Variants in MPHOSPH10 observed in about 807,000 individuals in gnomAD.
MPHOSPH10 encodes U3 small nucleolar ribonucleoprotein MPP10.
In MPHOSPH10, 33 loss-of-function variants were observed where a neutral mutation model predicts 77.3. The ratio of observed to expected loss-of-function variants is 0.43; its 90% CI spans 0.32 to 0.57. The LOEUF is 0.57. Ranked by LOEUF, MPHOSPH10 falls within the 20% of genes least tolerant of loss-of-function variation. The pLI is 0.07. For missense variants in MPHOSPH10, 708 were observed against 780.1 expected, an observed-to-expected ratio of 0.91 and a Z score of 1.10; for synonymous variants, 245 against 268.0, an observed-to-expected ratio of 0.91 and a Z score of 0.84.
chr2:71,133,719 C>A, intron 2 of MPHOSPH10, 143 bp downstream of exon 2: 3 of 1,024,584 alleles, frequency 2.9e-6, no homozygotes, highest in East Asian at 2.7e-5. Context: ...TGAATCTGTA[C>A]TTCCATTCAA....
chr2:71,141,493 T>C, intron 7 of MPHOSPH10, 124 bp downstream of exon 7: 1 of 747,408 alleles, frequency 1.3e-6, no homozygotes, highest in Non-Finnish European at 2.0e-6. Flanking sequence ...CATGTAAGTA[T>C]GAGACAGAGC....
chr2:71,141,138 AT>A, intron 6 of MPHOSPH10, 93 bp from the exon 7 acceptor site: 1 of 587,556 alleles, frequency 1.7e-6, no homozygotes, highest in Non-Finnish European at 2.3e-6. Flanking sequence ...TATTGATAAT[AT>A]TTATTATAAT....
At chr2:71,145,509 G>GTTT (rs34190822) in intron 8 of MPHOSPH10, among the ~76,000 whole-genome samples, 104 of 147,916 alleles carry the variant, frequency 7.0e-4, no homozygotes, top group Middle Eastern at 3.5e-3. Context: ...TGTTTGTTTG[G>GTTT]TTTTTTTTTT....
At chr2:71,149,084 G>T in intron 9 of MPHOSPH10, 139 bp from the exon 10 acceptor site, 1 of 704,724 alleles carries the variant, frequency 1.4e-6, no homozygotes, top group South Asian at 2.0e-5. Flanking sequence ...TGGAATGCAG[G>T]TGGGGATTGC....
chr2:71,130,805 G>T (rs1287754844), intron 1 of MPHOSPH10, 51 bp downstream of exon 1: 2 of 1,533,612 alleles, frequency 1.3e-6, no homozygotes, highest in Non-Finnish European at 1.8e-6. Flanking sequence ...TCACGTGGAC[G>T]CGGGTTGCAG....
At chr2:71,148,829 T>C (rs1321031978) in intron 9 of MPHOSPH10, 2 of 209,646 alleles carry the variant, frequency 9.5e-6, no homozygotes, top group Non-Finnish European at 1.9e-5. Flanking sequence ...GTCTCTGCCC[T>C]CTGGCCTCAG....
Position 71,149,225 on chromosome 2 carries a change from G to T in MPHOSPH10, c.1668G>T (p.Glu556Asp). 1 of 1,544,276 alleles carries T rather than the reference G, an allele frequency of 6.5e-7. No individual in the cohort carries two copies. Among genetic ancestry groups the T allele is most frequent in the Non-Finnish European group, 8.7e-7 (1 of 1,148,526 alleles). ...AALLAPEEIK[E>D]KNKAGDIKTA... ...GTTGGTGGTTATTTTTTTAATAGGA[G>T]AAAAATAAAGCTGGAGATATAAAAA... The change falls in exon 10 of 11, where the codon GAG becomes GAT. Residue 556 changes from glutamate (E) to aspartate (D), a missense_variant and splice_region_variant. Glu to Asp is a conservative substitution (Grantham distance 45, BLOSUM62 2). Around this residue, in one of 3 missense-constraint regions of MPHOSPH10, gnomAD observed 263 missense variants for 320.0 expected, o/e 0.82. Transcript: ENST00000244230.
At chr2:71,149,055 C>T in intron 9 of MPHOSPH10, 168 bp from the exon 10 acceptor site, 2 of 638,316 alleles carry the variant, frequency 3.1e-6, no homozygotes, top group South Asian at 4.1e-5. Context: ...TTTTAAAGAG[C>T]TGAGTTACCA....
chr2:71,134,564 T>G (rs1673449710), intron 3 of MPHOSPH10, 62 bp from the exon 4 acceptor site: 3 of 1,473,680 alleles, frequency 2.0e-6, no homozygotes, highest in Non-Finnish European at 2.8e-6. Context: ...GAAAATTTGT[T>G]TCCTTTTGTT....
intron 5 of MPHOSPH10, among the ~76,000 whole-genome samples, 186 bp from the exon 6 acceptor site, chr2:71,139,609 G>A (rs940274602): frequency 6.6e-6 from 1 of 152,312 alleles, no homozygotes; most frequent in Non-Finnish European, 1.5e-5. Flanking sequence ...AGCATCACAA[G>A]GCTTGTTAAA....
In MPHOSPH10 at chr2:71,134,055, AGAT is replaced by A. The variant is rs1572896889; in HGVS notation, c.882_884del (p.Asp294del). On this transcript the variant is annotated inframe_deletion, in exon 3 of 11. Coordinates refer to ENST00000244230, the MANE Select transcript of MPHOSPH10 (RefSeq NM_005791.3). ...ATGATGAGCTGGATTCAAACAAAGA[AGAT>A]GATGAAATTGCTGAAGAAGAAGCAG... The A allele has an allele frequency of 3.7e-6, 6 of 1,610,284 alleles. No homozygotes were observed. The highest frequency in any genetic ancestry group is 5.1e-6 in the Non-Finnish European group (6 of 1,178,066).
intron 9 of MPHOSPH10, 46 bp from the exon 10 acceptor site, chr2:71,149,177 T>G (rs1673770182): frequency 6.7e-7 from 1 of 1,496,986 alleles, no homozygotes. Context: ...GTTTCCTAGT[T>G]GTTAAACTTG....
At chr2:71,131,355 CTTTTAACGAT>C (rs1221209766) in intron 1 of MPHOSPH10, among the ~76,000 whole-genome samples, 1 of 152,220 alleles carries the variant, frequency 6.6e-6, no homozygotes, top group Non-Finnish European at 1.5e-5. Flanking sequence ...CACTGTACAA[CTTTTAACGAT>C]TTTTAAAATT....
At chr2:71,142,177 G>A (rs745558132) in intron 7 of MPHOSPH10, among the ~76,000 whole-genome samples, 3 of 152,124 alleles carry the variant, frequency 2.0e-5, no homozygotes, top group African/African-American at 4.8e-5. Context: ...GGATCAGATG[G>A]CATTTTTCTT....
intron 4 of MPHOSPH10, among the ~76,000 whole-genome samples, chr2:71,137,656 CAAAAAAAA>C (rs60072810): frequency 1.1e-3 from 53 of 46,332 alleles, no homozygotes; most frequent in African/African-American, 3.9e-3. Context: ...GAGACTGTCT[CAAAAAAAA>C]AAAAAAAAAA....
At chr2:71,134,167 T>G in intron 3 of MPHOSPH10, 62 bp downstream of exon 3, 1 of 1,461,234 alleles carries the variant, frequency 6.8e-7, no homozygotes, top group Non-Finnish European at 9.2e-7. Flanking sequence ...GTGTGTGTAC[T>G]CGTAGTTATC....
intron 6 of MPHOSPH10, 98 bp downstream of exon 6, chr2:71,139,960 C>T (rs182115658): frequency 2.3e-6 from 2 of 871,778 alleles, no homozygotes; most frequent in East Asian, 2.7e-5. Flanking sequence ...TTTTTATTTT[C>T]ACTTAGTGTT....
chr2:71,141,106 T>A (rs534492024), intron 6 of MPHOSPH10, 126 bp from the exon 7 acceptor site: 1 of 392,164 alleles, frequency 2.5e-6, no homozygotes, highest in Non-Finnish European at 3.7e-6. Context: ...ACTATTAATA[T>A]ATTAATGATA....
At position 71,144,479 on chromosome 2, in the gene MPHOSPH10, A is replaced by T. The variant is rs1386566517; in HGVS notation, c.1498A>T (p.Met500Leu). 4 of 1,614,074 alleles carry T rather than the reference A, an allele frequency of 2.5e-6. No individual in the cohort carries two copies. The highest frequency in any genetic ancestry group is 3.4e-6 in the Non-Finnish European group (4 of 1,180,018). Reference sequence around the variant, plus strand: ...AGAACATGTAGAAATTCAGAAGATGATGGATTCCCTCTTCTTAAAATTGGA... The same window carrying T: ...AGAACATGTAGAAATTCAGAAGATGTTGGATTCCCTCTTCTTAAAATTGGA... ...NPEHVEIQKM[M>L]DSLFLKLDAL... Residue 500 changes from methionine (M) to leucine (L), a missense_variant, in exon 8 of 11, where the codon ATG (methionine) becomes TTG (leucine). By Grantham distance (15) the Met-to-Leu change is conservative. Around this residue, in one of 3 missense-constraint regions of MPHOSPH10, gnomAD observed 263 missense variants for 320.0 expected, o/e 0.82. Transcript: ENST00000244230.
Sources: gnomAD v4.1 joint callset for allele counts (sites outside exome capture counted in the v4.1 genomes callset) on GRCh38, gnomAD v4.1.1 for gene constraint, gnomAD v4.1.1 regional missense constraint, MANE v1.5 for transcripts, NCBI Gene and HGNC (gene_info 2026-07-23, HGNC 2026-07-21) for gene names.